PHACTR3: variants seen among roughly 807,000 people sequenced by gnomAD.
PHACTR3 encodes protein phosphatase 1, regulatory subunit 123.
A neutral mutation model predicts 66.8 loss-of-function variants in PHACTR3; 16 were observed. That is an observed-to-expected ratio of 0.24 (90% CI 0.16 to 0.36). The LOEUF is 0.36. PHACTR3 is among the 10% of genes least tolerant of loss of function. The pLI is 1.00. For synonymous variants in PHACTR3, 323 were observed against 292.1 expected (o/e 1.11, Z -1.08); for missense variants, 647 against 719.9 (o/e 0.90, Z 1.16).
At chr20:59,583,761 G>T (rs1467666120) in intron 1 of PHACTR3, among the ~76,000 whole-genome samples, 1 of 152,254 alleles carries the variant, frequency 6.6e-6, no homozygotes, top group Non-Finnish European at 1.5e-5. Context: ...AGGACCGGGG[G>T]TCTGGCCCAG....
At chr20:59,835,484 G>A (rs1443815488) in intron 8 of PHACTR3, among the ~76,000 whole-genome samples, 2 of 152,144 alleles carry the variant, frequency 1.3e-5, no homozygotes, top group Admixed American at 1.3e-4. Flanking sequence ...TTAAATGGAG[G>A]CAACATCCTC....
intron 1 of PHACTR3, among the ~76,000 whole-genome samples, chr20:59,630,940 T>C (rs2034638292): frequency 1.3e-5 from 2 of 151,966 alleles, no homozygotes; most frequent in Non-Finnish European, 1.5e-5. Flanking sequence ...TTGGAGGGAT[T>C]TGGTAAAACG....
intron 1 of PHACTR3, among the ~76,000 whole-genome samples, chr20:59,589,170 C>T (rs954641956): frequency 6.6e-6 from 1 of 152,232 alleles, no homozygotes; most frequent in Admixed American, 6.5e-5. Context: ...ACGGCAGAGC[C>T]CTCTGCCAAA....
intron 1 of PHACTR3, among the ~76,000 whole-genome samples, chr20:59,616,753 G>T (rs575664558): frequency 3.3e-5 from 5 of 152,324 alleles, no homozygotes; most frequent in African/African-American, 7.2e-5. Context: ...CTAGCTGTTT[G>T]CTTTGGTTAG....
chr20:59,642,934 CAG>C (rs1307333090), intron 1 of PHACTR3, among the ~76,000 whole-genome samples: 7 of 152,206 alleles, frequency 4.6e-5, no homozygotes, highest in African/African-American at 1.7e-4. Flanking sequence ...GTTTTTGAGA[CAG>C]AGTCTCACTC....
At chr20:59,819,064 C>T (rs1429424007) in intron 8 of PHACTR3, among the ~76,000 whole-genome samples, 3 of 152,142 alleles carry the variant, frequency 2.0e-5, no homozygotes, top group Admixed American at 6.5e-5. Flanking sequence ...AAGCAGGTTC[C>T]GGAGCCTCTG....
intron 8 of PHACTR3, among the ~76,000 whole-genome samples, chr20:59,818,395 G>A (rs2041942483): frequency 6.6e-6 from 1 of 152,216 alleles, no homozygotes. Context: ...GAAGAAATCT[G>A]AGTTCCATGA....
chr20:59,823,320 C>A (rs889653759), intron 8 of PHACTR3, among the ~76,000 whole-genome samples: 4 of 152,142 alleles, frequency 2.6e-5, no homozygotes, highest in African/African-American at 9.7e-5. Context: ...GATATTACCT[C>A]CCATGTGCTG....
chr20:59,721,840 A>G lies in PHACTR3; in HGVS notation c.119-21267A>G, dbSNP rs8126360. Among the ~76,000 whole-genome samples, 943 of 152,306 alleles carry G rather than the reference A, an allele frequency of 6.2e-3. 14 individuals carry two copies. The highest frequency in any genetic ancestry group is 0.022 in the African/African-American group (910 of 41,554). ...TCTGTGGGCATACAATGGTTGGACAAACAGACAAAGTCCCCGTTCTCAAGG... is the reference window on the plus strand; with the variant it reads ...TCTGTGGGCATACAATGGTTGGACAGACAGACAAAGTCCCCGTTCTCAAGG... On this transcript the variant is annotated intron_variant, in intron 1 of 12. Coordinates refer to ENST00000371015, the MANE Select transcript of PHACTR3 (RefSeq NM_080672.5).
At chr20:59,667,102 A>C (rs577363041) in intron 1 of PHACTR3, among the ~76,000 whole-genome samples, 1 of 152,312 alleles carries the variant, frequency 6.6e-6, no homozygotes, top group South Asian at 2.1e-4. Context: ...GAGGTGCCTC[A>C]GTTGCTCAGG....
At chr20:59,764,135 A>C (rs771788854) in intron 4 of PHACTR3, among the ~76,000 whole-genome samples, 1 of 152,178 alleles carries the variant, frequency 6.6e-6, no homozygotes, top group Non-Finnish European at 1.5e-5. Context: ...AACTGGCCCA[A>C]GTCAGTGCTT....
At chr20:59,787,707 T>C (rs1383285368) in intron 7 of PHACTR3, among the ~76,000 whole-genome samples, 1 of 152,180 alleles carries the variant, frequency 6.6e-6, no homozygotes, top group East Asian at 1.9e-4. Context: ...CATTCCTTAG[T>C]CAGGCGCCCT....
chr20:59,637,034 A>T (rs6015537), intron 1 of PHACTR3, among the ~76,000 whole-genome samples: 65 of 152,368 alleles, frequency 4.3e-4, no homozygotes, highest in African/African-American at 1.5e-3. Context: ...AGAATGATCT[A>T]GGCAAGGAAA....
intron 1 of PHACTR3, among the ~76,000 whole-genome samples, chr20:59,679,790 T>G (rs992365492): frequency 7.2e-5 from 11 of 152,046 alleles, no homozygotes; most frequent in African/African-American, 2.7e-4. Context: ...TATAAAACCG[T>G]CAGATCTCAT....
intron 7 of PHACTR3, among the ~76,000 whole-genome samples, chr20:59,774,831 A>G (rs1224373713): frequency 1.3e-5 from 2 of 152,150 alleles, no homozygotes; most frequent in Non-Finnish European, 2.9e-5. Context: ...GCTGTGGCGA[A>G]CAGTATATAG....
At chr20:59,718,034 C>G (rs1396608058) in intron 1 of PHACTR3, among the ~76,000 whole-genome samples, 1 of 152,210 alleles carries the variant, frequency 6.6e-6, no homozygotes, top group Non-Finnish European at 1.5e-5. Flanking sequence ...CTCACATATT[C>G]TTAGAAGCTA....
chr20:59,610,147 T>TG (rs1219689730), intron 1 of PHACTR3, among the ~76,000 whole-genome samples: 3 of 152,216 alleles, frequency 2.0e-5, no homozygotes, highest in East Asian at 1.9e-4. Context: ...CCCAGCTACT[T>TG]GGGGGGCTGA....
chr20:59,834,075 G>A (rs894545826), intron 8 of PHACTR3, among the ~76,000 whole-genome samples: 7 of 152,114 alleles, frequency 4.6e-5, no homozygotes, highest in Non-Finnish European at 7.4e-5. Context: ...AGGACTCCAC[G>A]TTTTACTTCC....
At chr20:59,832,930 G>A (rs2042428025) in intron 8 of PHACTR3, among the ~76,000 whole-genome samples, 6 of 152,216 alleles carry the variant, frequency 3.9e-5, no homozygotes. Context: ...ACCACCCTAA[G>A]ACCCTGCTTA....
Sources: gnomAD v4.1 joint callset for allele counts (sites outside exome capture counted in the v4.1 genomes callset) on GRCh38, gnomAD v4.1.1 for gene constraint, MANE v1.5 for transcripts, NCBI Gene and HGNC (gene_info 2026-07-23, HGNC 2026-07-21) for gene names.